The following CRYBG3 variants were observed in gnomAD, a reference collection of about 807,000 sequenced individuals.
CRYBG3 encodes very large A-kinase anchor protein.
Under a neutral mutation model 244.2 loss-of-function variants are expected in CRYBG3, and 127 were observed. The ratio of observed to expected loss-of-function variants is 0.52; its 90% CI spans 0.45 to 0.60. CRYBG3 has a LOEUF of 0.60. Among genes scored for constraint, CRYBG3 ranks in the 20% least tolerant of loss-of-function variants. The probability of loss-of-function intolerance (pLI) is 0.00; values close to 1 mark genes in which losing one functional copy is unlikely to be tolerated. For missense variants in CRYBG3, 3,325 were observed against 3,442.5 expected, an observed-to-expected ratio of 0.97 and a Z score of 0.85; for synonymous variants, 1,132 against 1,195.8, an observed-to-expected ratio of 0.95 and a Z score of 1.10.
chr3:97,858,032 G>A (rs2039090784), intron 2 of CRYBG3, among the ~76,000 whole-genome samples: 1 of 151,886 alleles, frequency 6.6e-6, no homozygotes, highest in South Asian at 2.1e-4. Flanking sequence ...GCTTCCAAAT[G>A]TGGGGCACCC....
intron 18 of CRYBG3, among the ~76,000 whole-genome samples, chr3:97,935,980 C>A (rs2107102913): frequency 6.6e-6 from 1 of 152,232 alleles, no homozygotes; most frequent in South Asian, 2.1e-4. Context: ...ATTTCAGGTG[C>A]TCTTAGTGAC....
At chr3:97,883,893 A>G (rs10935130) in intron 7 of CRYBG3, among the ~76,000 whole-genome samples, 36,704 of 152,108 alleles carry the variant, frequency 0.24, 4,766 homozygotes, top group Middle Eastern at 0.33. Context: ...TGCCAACTTT[A>G]TCTTGTTGAA....
intron 15 of CRYBG3, among the ~76,000 whole-genome samples, chr3:97,902,989 C>T (rs2039722668): frequency 6.6e-6 from 1 of 152,096 alleles, no homozygotes; most frequent in Non-Finnish European, 1.5e-5. Context: ...TGTAGTTAGG[C>T]ATCATTCTCT....
intron 1 of CRYBG3, among the ~76,000 whole-genome samples, chr3:97,842,472 G>T (rs1395027080): frequency 6.6e-6 from 1 of 151,980 alleles, no homozygotes; most frequent in Non-Finnish European, 1.5e-5. Context: ...GAGCCAGGAG[G>T]ATTGCTTGAG....
chr3:97,886,395 A>T (rs974996325), intron 7 of CRYBG3, among the ~76,000 whole-genome samples: 1 of 152,214 alleles, frequency 6.6e-6, no homozygotes, highest in African/African-American at 2.4e-5. Context: ...AACAAAGCAG[A>T]AACATTGAGA....
chr3:97,926,999 A>G (rs1170020088), intron 17 of CRYBG3, among the ~76,000 whole-genome samples: 1 of 152,056 alleles, frequency 6.6e-6, no homozygotes, highest in Non-Finnish European at 1.5e-5. Context: ...GCCCGAAGCT[A>G]TTTACAGATT....
At position 97,872,906 on chromosome 3, in the gene CRYBG3, A is replaced by G. The variant is rs1396276540; in HGVS notation, c.1712A>G (p.Asp571Gly). 1.3e-6 allele frequency: 2 copies of G among 1,530,086 alleles called. No individual in the cohort carries two copies. Among genetic ancestry groups the G allele is most frequent in the Non-Finnish European group, 1.7e-6 (2 of 1,145,388 alleles). 94.8% of individuals were successfully genotyped at this position (1,530,086 alleles called of 1,614,324 possible). Residue 571 changes from aspartate to glycine, a missense_variant, in exon 4 of 22, where the codon GAT (aspartate) becomes GGT (glycine). Asp to Gly is a moderately conservative substitution (Grantham distance 94). Around this residue, in one of 4 missense-constraint regions of CRYBG3, gnomAD observed 1,526 missense variants for 1,443.2 expected, o/e 1.06. Transcript: ENST00000389622. ...QYFETKAKKL[D>G]FRSHDKIPHI... is the part of the protein sequence containing the mutation. ...TTTGAAACCAAAGCCAAAAAGCTTG[A>G]TTTTAGGTCACATGATAAAATTCCT...
chr3:97,874,298 T>C lies in CRYBG3; in HGVS notation c.3104T>C (p.Leu1035Pro), dbSNP rs1301007768. 9.2e-6 allele frequency: 14 copies of C among 1,528,248 alleles called. No individual in the cohort carries two copies. Among genetic ancestry groups the C allele is most frequent in the Non-Finnish European group, 1.2e-5 (14 of 1,145,088 alleles). The allele number at this position is 1,528,248 out of a possible 1,614,324, so 94.7% of individuals were successfully genotyped here. ...DSSFLKVPSVLKLEKKSSSYR... is the reference protein window; with the variant it reads ...DSSFLKVPSVPKLEKKSSSYR... ...AGCTTCCTTAAAGTACCTTCTGTGC[T>C]GAAATTGGAAAAGAAATCCTCATCT... is the stretch of plus-strand genomic sequence containing the variant. Residue 1035 changes from leucine to proline, a missense_variant, in exon 4 of 22, where the codon CTG (leucine) becomes CCG (proline). Around this residue, in one of 4 missense-constraint regions of CRYBG3, gnomAD observed 1,526 missense variants for 1,443.2 expected, o/e 1.06. Coordinates refer to ENST00000389622, the MANE Select transcript of CRYBG3 (RefSeq NM_153605.4).
intron 12 of CRYBG3, among the ~76,000 whole-genome samples, chr3:97,897,569 A>C (rs1201930752): frequency 6.6e-6 from 1 of 152,132 alleles, no homozygotes; most frequent in African/African-American, 2.4e-5. Context: ...TAATCTAGTA[A>C]TCTCATAGGG....
chr3:97,892,812 T>C, intron 10 of CRYBG3, 48 bp from the exon 11 acceptor site: 1 of 1,008,050 alleles, frequency 9.9e-7, no homozygotes, highest in Non-Finnish European at 1.4e-6. Flanking sequence ...GTCACTTAAG[T>C]AAATATGTGT....
chr3:97,915,586 A>C, intron 16 of CRYBG3, 24 bp from the exon 17 acceptor site: 1 of 1,595,400 alleles, frequency 6.3e-7, no homozygotes, highest in Non-Finnish European at 8.6e-7. Context: ...AATTTGATTG[A>C]ATGTCTTACT....
At chr3:97,850,705 A>G (rs1054930789) in intron 2 of CRYBG3, among the ~76,000 whole-genome samples, 11 of 152,234 alleles carry the variant, frequency 7.2e-5, no homozygotes, top group Non-Finnish European at 1.5e-4. Flanking sequence ...TACTTTAACA[A>G]TAGGAGTATA....
rs987763259 is a variant in CRYBG3, at chr3:97,881,177, A to G, written c.7110A>G (p.Pro2370=). ...RDWILQNRRH[P]QRNFILGSLK... is the part of the protein sequence containing the mutation. ...GGATTCTTCAGAACAGAAGGCATCC[A>G]CAAAGAAACTTTATATTGGGTTCTC... is the stretch of plus-strand genomic sequence containing the variant. The change falls in exon 7 of 22, where the codon CCA becomes CCG. Residue 2370 remains proline (P), a synonymous_variant. Transcript: ENST00000389622. The G allele has an allele frequency of 1.9e-6, 3 of 1,611,244 alleles. No homozygotes were observed. The highest frequency in any genetic ancestry group is 1.7e-5 in the Admixed American group (1 of 59,712).
At chr3:97,920,423 C>T (rs2039970793) in intron 17 of CRYBG3, among the ~76,000 whole-genome samples, 1 of 152,100 alleles carries the variant, frequency 6.6e-6, no homozygotes, top group Non-Finnish European at 1.5e-5. Flanking sequence ...AGCTTCATTC[C>T]CAGATTCCAC....
In CRYBG3 at chr3:97,943,568, G is replaced by A; in HGVS notation, c.*254G>A. The A allele has an allele frequency of 2.4e-6, 1 of 414,644 alleles. No individual in the cohort carries two copies. Among genetic ancestry groups the A allele is most frequent in the South Asian group, 3.1e-5 (1 of 32,144 alleles). The allele number at this position is 414,644 out of a possible 1,614,324, so 25.7% of individuals were successfully genotyped here. On this transcript the variant is annotated 3_prime_UTR_variant, in exon 22 of 22. Coordinates refer to ENST00000389622, the MANE Select transcript of CRYBG3 (RefSeq NM_153605.4). ...AAGGTTCTATTCCTGATCTCCAGCTGTGGTGAGCAAGTTTCCTGAAGTGTT... is the reference window on the plus strand; with the variant it reads ...AAGGTTCTATTCCTGATCTCCAGCTATGGTGAGCAAGTTTCCTGAAGTGTT...
In CRYBG3 at chr3:97,875,042, T is replaced by C; in HGVS notation, c.3848T>C (p.Val1283Ala). ...VKEKPCVSPTVGEKNLLVDPN... is the reference protein window; with the variant it reads ...VKEKPCVSPTAGEKNLLVDPN... ...GAGAAGCCCTGTGTTTCACCAACAGTTGGTGAGAAGAATCTTCTTGTTGAT... is the reference window on the plus strand; with the variant it reads ...GAGAAGCCCTGTGTTTCACCAACAGCTGGTGAGAAGAATCTTCTTGTTGAT... The change falls in exon 4 of 22, where the codon GTT becomes GCT. Residue 1283 changes from valine (V) to alanine (A), a missense_variant. Around this residue, in one of 4 missense-constraint regions of CRYBG3, gnomAD observed 635 missense variants for 771.7 expected, o/e 0.82. Coordinates refer to ENST00000389622, the MANE Select transcript of CRYBG3 (RefSeq NM_153605.4). 1.3e-6 allele frequency: 2 copies of C among 1,534,746 alleles called. No individual in the cohort carries two copies. Among genetic ancestry groups the C allele is most frequent in the Non-Finnish European group, 8.7e-7 (1 of 1,146,456 alleles).
rs186927550 is a variant in CRYBG3 at position 97,842,298 on chromosome 3, C to G, written c.150-897C>G. ...GTTCTGGAAGCTGGGCGTAGTGACT[C>G]CTGCCTGTAATCCCAGCACTTTGAA... On this transcript the variant is annotated intron_variant, in intron 1 of 21. Transcript: ENST00000389622. Among the ~76,000 whole-genome samples, 271 of 152,230 alleles carry G rather than the reference C, an allele frequency of 1.8e-3. 1 individual carries two copies. Among genetic ancestry groups the G allele is most frequent in the Non-Finnish European group, 1.7e-3 (115 of 68,006 alleles).
intron 1 of CRYBG3, among the ~76,000 whole-genome samples, chr3:97,841,933 C>G (rs1396568967): frequency 2.0e-5 from 3 of 152,118 alleles, no homozygotes; most frequent in Admixed American, 2.0e-4. Flanking sequence ...AGAAAATGCC[C>G]GATTCTCTAT....
At chr3:97,920,670 C>T (rs2039974015) in intron 17 of CRYBG3, among the ~76,000 whole-genome samples, 1 of 152,086 alleles carries the variant, frequency 6.6e-6, no homozygotes, top group African/African-American at 2.4e-5. Context: ...GCTGGGATTA[C>T]AGGCACGTGC....
Sources: gnomAD v4.1 joint callset for allele counts (sites outside exome capture counted in the v4.1 genomes callset) on GRCh38, gnomAD v4.1.1 for gene constraint, gnomAD v4.1.1 regional missense constraint, MANE v1.5 for transcripts, NCBI Gene and HGNC (gene_info 2026-07-23, HGNC 2026-07-21) for gene names.